Variants in SAMMSON observed in about 807,000 individuals in gnomAD.
The protein encoded by SAMMSON is long intergenic non-protein coding RNA 1212.
intron 2 of SAMMSON, among the ~76,000 whole-genome samples, chr3:70,418,919 TCTTTCCTTTCCTTTCCTTTCCTTTC>T (rs200336047): frequency 3.5e-5 from 3 of 85,122 alleles, no homozygotes; most frequent in South Asian, 1.0e-3. Flanking sequence ...ATGTTTGCTT[TCTTTCCTTTCCTTTCCTTTCCTTTC>T]CTTTCCTTTC....
At chr3:70,392,518 C>T (rs1389671344), downstream of SAMMSON, among the ~76,000 whole-genome samples, 2 of 152,118 alleles carry the variant, frequency 1.3e-5, no homozygotes, top group Non-Finnish European at 2.9e-5. Context: ...TTATAAGGCT[C>T]ACCCTAGGCA....
intron 6 of SAMMSON, among the ~76,000 whole-genome samples, chr3:70,257,921 A>G (rs72943338): frequency 0.038 from 5,783 of 152,284 alleles, 341 homozygotes; most frequent in African/African-American, 0.13. Context: ...TATTGGTGTA[A>G]GGATAGACAT....
chr3:70,267,382 C>CT (rs1355021013), intron 6 of SAMMSON, among the ~76,000 whole-genome samples: 1 of 127,388 alleles, frequency 7.9e-6, no homozygotes, highest in Non-Finnish European at 1.7e-5. Flanking sequence ...TGTACAGATT[C>CT]TTTTTTAATA....
intron 2 of SAMMSON, among the ~76,000 whole-genome samples, chr3:70,402,166 T>C (rs1701146093): frequency 6.6e-6 from 1 of 152,232 alleles, no homozygotes; most frequent in Non-Finnish European, 1.5e-5. Flanking sequence ...GTGTGGTTGT[T>C]AGCAGAGTCT....
At chr3:70,140,093 A>G (rs1282579800) in intron 4 of SAMMSON, 2 of 153,520 alleles carry the variant, frequency 1.3e-5, no homozygotes, top group Non-Finnish European at 2.9e-5. Flanking sequence ...CAGTCAAGAG[A>G]AGCCAACTGT....
chr3:70,344,036 T>G lies in SAMMSON; in HGVS notation n.740-10139T>G, dbSNP rs544056302. Among the ~76,000 whole-genome samples, 22 of 152,192 alleles carry G rather than the reference T, an allele frequency of 1.4e-4. No homozygotes were observed. The East Asian group carries it at 4.1e-3, about 28-fold the overall frequency. On this transcript the variant is annotated intron_variant and non_coding_transcript_variant, in intron 7 of 9. Coordinates refer to ENST00000642114, the Ensembl canonical transcript of SAMMSON. ...CAGACCTCCATTACTGGGGGTGTTTTGAGCACTGCTTCTAATTTGTAGCAC... is the reference window on the plus strand; with the variant it reads ...CAGACCTCCATTACTGGGGGTGTTTGGAGCACTGCTTCTAATTTGTAGCAC...
chr3:70,311,685 C>T (rs545268848), intron 7 of SAMMSON, among the ~76,000 whole-genome samples: 5 of 151,570 alleles, frequency 3.3e-5, no homozygotes, highest in Non-Finnish European at 7.4e-5. Context: ...ACAGGGACCA[C>T]AAGAAGCATT....
chr3:70,071,186 A>G (rs1170706517), intron 3 of SAMMSON, among the ~76,000 whole-genome samples: 1 of 152,018 alleles, frequency 6.6e-6, no homozygotes, highest in Admixed American at 6.6e-5. Flanking sequence ...AAGAGGTACA[A>G]TCACAGTGCA....
chr3:70,408,620 G>A (rs946742829), intron 2 of SAMMSON, among the ~76,000 whole-genome samples: 1 of 152,012 alleles, frequency 6.6e-6, no homozygotes, highest in Admixed American at 6.5e-5. Flanking sequence ...CCTCAGCCTG[G>A]ACCTTATTGT....
chr3:70,084,505 G>T (rs1057312526), intron 4 of SAMMSON, among the ~76,000 whole-genome samples: 1 of 152,106 alleles, frequency 6.6e-6, no homozygotes, highest in African/African-American at 2.4e-5. Flanking sequence ...GATATACTGG[G>T]GTTGGAGAAG....
chr3:70,361,049 G>A (rs1377523912), intron 9 of SAMMSON, among the ~76,000 whole-genome samples: 1 of 152,074 alleles, frequency 6.6e-6, no homozygotes, highest in Non-Finnish European at 1.5e-5. Context: ...TTACAGATAA[G>A]AAAACTCAGC....
At chr3:70,081,816 TAATC>T (rs949877057) in intron 4 of SAMMSON, among the ~76,000 whole-genome samples, 11 of 152,330 alleles carry the variant, frequency 7.2e-5, no homozygotes, top group Admixed American at 7.2e-4. Context: ...TTCCTGAAAT[TAATC>T]CTCATGGAGA....
chr3:70,195,178 G>C (rs1030768739), intron 4 of SAMMSON, among the ~76,000 whole-genome samples: 1 of 152,150 alleles, frequency 6.6e-6, no homozygotes, highest in East Asian at 1.9e-4. Context: ...GGTTGCATAA[G>C]AACAGCCTTA....
In SAMMSON at chr3:70,028,244, C is replaced by T. The variant is rs1243825414; in HGVS notation, n.417+14572C>T. Among the ~76,000 whole-genome samples, 19 of 148,134 alleles carry T rather than the reference C, an allele frequency of 1.3e-4. No homozygotes were observed. In the Admixed American group the frequency reaches 1.3e-3, roughly 10 times the overall value. On this transcript the variant is annotated intron_variant and non_coding_transcript_variant, in intron 3 of 9. Coordinates refer to ENST00000642114, the Ensembl canonical transcript of SAMMSON. ...CTCTTTTTCTTTCTTGTCTTTCTTT[C>T]TTGCATTTTAGACAGCTAAAAAACA...
chr3:70,156,455 T>C (rs1382391126), intron 4 of SAMMSON, among the ~76,000 whole-genome samples: 1 of 151,980 alleles, frequency 6.6e-6, no homozygotes, highest in Non-Finnish European at 1.5e-5. Context: ...GCTCCAAGTC[T>C]CCAACTGGGA....
chr3:70,055,199 T>C lies in SAMMSON; in HGVS notation n.418-16277T>C, dbSNP rs139047640. On this transcript the variant is annotated intron_variant and non_coding_transcript_variant, in intron 3 of 9. Coordinates refer to ENST00000642114, the Ensembl canonical transcript of SAMMSON. ...AAATGAAACAAACAAGGCTGGCCAATAGGTTGATAATTATCAAAGCTGGAT... is the reference window on the plus strand; with the variant it reads ...AAATGAAACAAACAAGGCTGGCCAACAGGTTGATAATTATCAAAGCTGGAT... Among the ~76,000 whole-genome samples, 179 of 152,218 alleles carry C rather than the reference T, an allele frequency of 1.2e-3. 2 individuals carry two copies. Among genetic ancestry groups the C allele is most frequent in the African/African-American group, 4.2e-3 (174 of 41,570 alleles).
At chr3:70,312,902 A>G (rs892730369) in intron 7 of SAMMSON, among the ~76,000 whole-genome samples, 3 of 152,168 alleles carry the variant, frequency 2.0e-5, no homozygotes, top group African/African-American at 7.2e-5. Context: ...CATTACTTCA[A>G]GTTAATATTA....
At chr3:70,011,232 T>A (rs2066954301) in intron 1 of SAMMSON, among the ~76,000 whole-genome samples, 1 of 152,136 alleles carries the variant, frequency 6.6e-6, no homozygotes. Flanking sequence ...ATATATTGTC[T>A]ATGGCTACCT....
chr3:70,240,330 C>A (rs1184950346), intron 4 of SAMMSON, among the ~76,000 whole-genome samples: 1 of 151,658 alleles, frequency 6.6e-6, no homozygotes, highest in Non-Finnish European at 1.5e-5. Flanking sequence ...GCAGAATAAC[C>A]AATTACTTTT....
Sources: gnomAD v4.1 joint callset for allele counts (sites outside exome capture counted in the v4.1 genomes callset) on GRCh38, gnomAD v4.1.1 for gene constraint, MANE v1.5 for transcripts, NCBI Gene and HGNC (gene_info 2026-07-23, HGNC 2026-07-21) for gene names.